Variants in TMEM245 observed in about 807,000 individuals in gnomAD.
TMEM245 encodes the protein protein CG-2.
Under a neutral mutation model 101.2 loss-of-function variants are expected in TMEM245, and 69 were observed. That is an observed-to-expected ratio of 0.68 (90% CI 0.56 to 0.83). The LOEUF is 0.83. Among genes scored for constraint, TMEM245 ranks in the 40% least tolerant of loss-of-function variants. The pLI is 0.00. For missense variants in TMEM245, 1,075 were observed against 1,092.8 expected, an observed-to-expected ratio of 0.98 and a Z score of 0.23; for synonymous variants, 537 against 449.8, an observed-to-expected ratio of 1.19 and a Z score of -2.45.
At chr9:109,118,388 G>C (rs1448114429) in intron 1 of TMEM245, among the ~76,000 whole-genome samples, 1 of 152,198 alleles carries the variant, frequency 6.6e-6, no homozygotes, top group Non-Finnish European at 1.5e-5. Flanking sequence ...GAATCAATTT[G>C]TAAATGGTAC....
chr9:109,107,628 A>T (rs1032161316), intron 2 of TMEM245, among the ~76,000 whole-genome samples: 27 of 152,224 alleles, frequency 1.8e-4, no homozygotes, highest in African/African-American at 6.0e-4. Flanking sequence ...TTGACATCAA[A>T]CGAAGACAGA....
At chr9:109,070,375 G>A (rs151257325) in intron 9 of TMEM245, among the ~76,000 whole-genome samples, 3 of 152,160 alleles carry the variant, frequency 2.0e-5, no homozygotes, top group Admixed American at 6.5e-5. Context: ...TCCTGTCTTG[G>A]TGAATCCACC....
At chr9:109,023,790 C>T (rs1049162845) in intron 17 of TMEM245, among the ~76,000 whole-genome samples, 2 of 150,146 alleles carry the variant, frequency 1.3e-5, no homozygotes, top group South Asian at 4.2e-4. Flanking sequence ...GAGCCCAGAT[C>T]GCGCCACTGC....
intron 14 of TMEM245, among the ~76,000 whole-genome samples, chr9:109,042,752 A>C (rs1458428132): frequency 6.6e-6 from 1 of 151,756 alleles, no homozygotes; most frequent in Middle Eastern, 3.2e-3. Context: ...AACTATCATC[A>C]TTAATTCCAG....
chr9:109,112,442 G>C (rs1830590638), intron 1 of TMEM245, among the ~76,000 whole-genome samples: 1 of 151,732 alleles, frequency 6.6e-6, no homozygotes, highest in Non-Finnish European at 1.5e-5. Flanking sequence ...TTGGGAGGCT[G>C]AGGCAGGAGA....
chr9:109,084,084 TAA>T (rs34354000), intron 7 of TMEM245, among the ~76,000 whole-genome samples: 9 of 140,920 alleles, frequency 6.4e-5, no homozygotes, highest in Admixed American at 7.2e-5. Context: ...GTCTCAAATT[TAA>T]AAAAAAAAAA....
intron 9 of TMEM245, among the ~76,000 whole-genome samples, chr9:109,072,891 G>C (rs1829376962): frequency 6.6e-6 from 1 of 152,182 alleles, no homozygotes; most frequent in African/African-American, 2.4e-5. Flanking sequence ...AAGTTGAGGA[G>C]TTACAGTTTC....
At chr9:109,056,125 G>A (rs1359503648) in intron 12 of TMEM245, among the ~76,000 whole-genome samples, 1 of 152,164 alleles carries the variant, frequency 6.6e-6, no homozygotes, top group African/African-American at 2.4e-5. Flanking sequence ...AAAGAGAGTA[G>A]CATAAACATT....
chr9:109,052,188 A>G (rs1217060959), intron 12 of TMEM245, among the ~76,000 whole-genome samples: 2 of 152,240 alleles, frequency 1.3e-5, no homozygotes, highest in Non-Finnish European at 2.9e-5. Flanking sequence ...TCTTAATGAA[A>G]AATACAAAAA....
intron 14 of TMEM245, among the ~76,000 whole-genome samples, chr9:109,047,361 C>G (rs1564178032): frequency 1.3e-5 from 2 of 152,194 alleles, no homozygotes; most frequent in Non-Finnish European, 2.9e-5. Flanking sequence ...TAGATGACAG[C>G]ACTCTTTGTA....
At chr9:109,105,016 T>G (rs1004189665) in intron 3 of TMEM245, among the ~76,000 whole-genome samples, 2 of 152,128 alleles carry the variant, frequency 1.3e-5, no homozygotes, top group African/African-American at 2.4e-5. Context: ...AAACTGGACT[T>G]CATCAAAAAA....
chr9:109,116,524 C>A (rs1320989956), intron 1 of TMEM245, among the ~76,000 whole-genome samples: 7 of 150,298 alleles, frequency 4.7e-5, no homozygotes, highest in African/African-American at 1.7e-4. Context: ...GGCCTTTAAT[C>A]AGCACTTTTT....
At position 109,016,996 on chromosome 9, in the gene TMEM245, C is replaced by T. The variant is rs1827466063; in HGVS notation, c.*3464G>A. The T allele has an allele frequency of 6.6e-6, 1 of 152,100 alleles. No individual in the cohort carries two copies. The highest frequency in any genetic ancestry group is 1.5e-5 in the Non-Finnish European group (1 of 68,030). 9.4% of individuals were successfully genotyped at this position (152,100 alleles called of 1,614,324 possible). A position where few individuals can be genotyped will look rare whatever the true frequency, so the allele number is the denominator to read the frequency against. On this transcript the variant is annotated 3_prime_UTR_variant, in exon 18 of 18. Coordinates refer to ENST00000374586, the MANE Select transcript of TMEM245 (RefSeq NM_032012.4). Reference sequence around the variant, plus strand: ...AGCTCTGGATAGCTCACCTAAATTACTTTCCTCTAATCTAACCCCTCACAG... The same window carrying T: ...AGCTCTGGATAGCTCACCTAAATTATTTTCCTCTAATCTAACCCCTCACAG...
chr9:109,021,106 T>C (rs980905128), intron 17 of TMEM245, among the ~76,000 whole-genome samples: 1 of 152,208 alleles, frequency 6.6e-6, no homozygotes, highest in Non-Finnish European at 1.5e-5. Flanking sequence ...CTGGGCTGGA[T>C]GAAGGTGGCT....
At chr9:109,101,426 CTG>C (rs1252054115) in intron 3 of TMEM245, among the ~76,000 whole-genome samples, 1 of 152,140 alleles carries the variant, frequency 6.6e-6, no homozygotes, top group Non-Finnish European at 1.5e-5. Flanking sequence ...AGGAAACTGA[CTG>C]TAAGTACAAG....
intron 1 of TMEM245, among the ~76,000 whole-genome samples, chr9:109,111,949 A>G (rs1295971193): frequency 6.6e-6 from 1 of 152,190 alleles, no homozygotes; most frequent in Non-Finnish European, 1.5e-5. Context: ...TATAAACAGA[A>G]AAAGAAGTAT....
intron 3 of TMEM245, among the ~76,000 whole-genome samples, chr9:109,094,334 T>TA (rs755447743): frequency 2.3e-4 from 35 of 152,110 alleles, no homozygotes; most frequent in Middle Eastern, 3.2e-3. Context: ...ACTGGAGAGC[T>TA]AAAAAAATTG....
rs1292749088 is a variant in TMEM245, at chr9:109,018,668, T to A, written c.*1792A>T. Reference sequence around the variant, plus strand: ...TCTTAGGGAGATGTTTTAGGAAAAATTATTAATATTTCTACCTTTAAATAC... The same window carrying A: ...TCTTAGGGAGATGTTTTAGGAAAAAATATTAATATTTCTACCTTTAAATAC... On this transcript the variant is annotated 3_prime_UTR_variant, in exon 18 of 18. Coordinates refer to ENST00000374586, the MANE Select transcript of TMEM245 (RefSeq NM_032012.4). 1 of 152,046 alleles carries A rather than the reference T, an allele frequency of 6.6e-6. No homozygotes were observed. Among genetic ancestry groups the A allele is most frequent in the Non-Finnish European group, 1.5e-5 (1 of 68,022 alleles). 9.4% of individuals were successfully genotyped at this position (152,046 alleles called of 1,614,324 possible).
At chr9:109,091,942 A>C (rs561527723) in intron 4 of TMEM245, among the ~76,000 whole-genome samples, 5 of 152,236 alleles carry the variant, frequency 3.3e-5, no homozygotes, top group Non-Finnish European at 5.9e-5. Flanking sequence ...TTAGAAAAAA[A>C]TGTTAATTAC....
Sources: allele counts gnomAD v4.1 joint callset (sites outside exome capture counted in the v4.1 genomes callset), GRCh38; gene constraint gnomAD v4.1.1; transcripts MANE v1.5; gene names NCBI Gene and HGNC (gene_info 2026-07-23, HGNC 2026-07-21).